RET: variants seen among roughly 807,000 people sequenced by gnomAD.
The protein encoded by RET is proto-oncogene tyrosine-protein kinase receptor Ret.
Under a neutral mutation model 118.3 loss-of-function variants are expected in RET, and 19 were observed. That is an observed-to-expected ratio of 0.16 (90% CI 0.11 to 0.24). RET has a LOEUF of 0.24. Among genes scored for constraint, RET ranks in the 10% least tolerant of loss-of-function variants. The probability of loss-of-function intolerance (pLI) is 1.00; values close to 1 mark genes in which losing one functional copy is unlikely to be tolerated. For missense variants in RET, 1,219 were observed against 1,502.1 expected (o/e 0.81, Z 3.12); for synonymous variants, 597 against 644.1 (o/e 0.93, Z 1.11).
chr10:43,110,157 C>CCG (rs1837884274), intron 6 of RET, among the ~76,000 whole-genome samples: 1 of 150,914 alleles, frequency 6.6e-6, no homozygotes, highest in South Asian at 2.2e-4. Context: ...CAGAGGGCCC[C>CCG]GGGGGGTCTC....
chr10:43,117,253 C>A (rs1838093900), intron 12 of RET, among the ~76,000 whole-genome samples: 1 of 152,264 alleles, frequency 6.6e-6, no homozygotes, highest in South Asian at 2.1e-4. Context: ...AACAGCCAGG[C>A]TGAATGGCGG....
intron 11 of RET, among the ~76,000 whole-genome samples, 157 bp from the exon 12 acceptor site, chr10:43,116,427 A>G (rs1332388643): frequency 1.3e-5 from 2 of 152,222 alleles, no homozygotes; most frequent in Non-Finnish European, 2.9e-5. Context: ...TGCCCAGGGC[A>G]GAGACAGGCA....
Position 43,114,453 on chromosome 10 carries a change from CA to C in RET, c.1880-25del. 2 of 1,604,156 alleles carry C rather than the reference CA, an allele frequency of 1.2e-6. No individual in the cohort carries two copies. The highest frequency in any genetic ancestry group is 2.2e-5 in the South Asian group (2 of 91,060). On this transcript the variant is annotated intron_variant, in intron 10 of 19. Transcript: ENST00000355710. This position sits in a 1 kb window ranked among gnomAD's most constrained non-coding sequence, Gnocchi z 4.6. ...AGTGGTGCCGAGCCTCTGGCGGTGC[CA>C]AGCCTCACACCACCCCCACCCACAG...
chr10:43,113,728 C>A, intron 10 of RET, 53 bp downstream of exon 10: 1 of 1,608,046 alleles, frequency 6.2e-7, no homozygotes, highest in African/African-American at 1.3e-5. Flanking sequence ...ACAGAGGTCT[C>A]AACAGCACAT....
At chr10:43,104,864 T>C (rs1837723204) in intron 3 of RET, 88 bp from the exon 4 acceptor site, 4 of 1,507,868 alleles carry the variant, frequency 2.7e-6, no homozygotes, top group Admixed American at 2.1e-5. Flanking sequence ...TGCGCCCCGC[T>C]CTGACCGCAG....
At chr10:43,097,442 C>G (rs1482087202) in intron 1 of RET, among the ~76,000 whole-genome samples, 1 of 152,268 alleles carries the variant, frequency 6.6e-6, no homozygotes, top group East Asian at 1.9e-4. Context: ...CCTCTCCCCA[C>G]CTGAGCTCAG....
In RET at chr10:43,111,423, A is replaced by T. The variant is rs1837924019; in HGVS notation, c.1480A>T (p.Arg494Trp). ...MVVATDQQTS[R>W]QAQAQLLVTV... ...GGTGGCCACCGACCAGCAGACCTCT[A>T]GGCAGGCCCAGGCCCAGCTGCTTGT... is the stretch of plus-strand genomic sequence containing the variant. The change falls in exon 7 of 20, where the codon AGG becomes TGG. Residue 494 changes from arginine (R) to tryptophan (W), a missense_variant. Coordinates refer to ENST00000355710, the MANE Select transcript of RET (RefSeq NM_020975.6). 1 of 1,611,028 alleles carries T rather than the reference A, an allele frequency of 6.2e-7. No homozygotes were observed. The highest frequency in any genetic ancestry group is 1.1e-5 in the South Asian group (1 of 91,008).
At chr10:43,112,561 C>T (rs1837964138) in intron 8 of RET, among the ~76,000 whole-genome samples, 1 of 152,168 alleles carries the variant, frequency 6.6e-6, no homozygotes, top group African/African-American at 2.4e-5. Flanking sequence ...TCTGCATCAG[C>T]CAGAGGCCAG....
chr10:43,128,580 T>C lies in RET; in HGVS notation c.*311T>C, dbSNP rs1313307374. ...TCCATCAGTGACCACCAACATTCTG[T>C]GTTCACATGTGTGGGTCCAACACTT... On this transcript the variant is annotated 3_prime_UTR_variant, in exon 20 of 20. Transcript: ENST00000355710. 8.2e-6 allele frequency: 4 copies of C among 486,738 alleles called. No individual in the cohort carries two copies. The highest frequency in any genetic ancestry group is 1.5e-5 in the Non-Finnish European group (4 of 264,192). The allele number at this position is 486,738 out of a possible 1,614,324, so 30.2% of individuals were successfully genotyped here.
rs913877793 is a variant in RET, at chr10:43,104,144, G to C, written c.626-808G>C. On this transcript the variant is annotated intron_variant, in intron 3 of 19. Transcript: ENST00000355710. ...GCACTGGACAAGGAGGTGTAGAGTGGGGATGCACACTAGGCGGTCGGAAAT... is the reference window on the plus strand; with the variant it reads ...GCACTGGACAAGGAGGTGTAGAGTGCGGATGCACACTAGGCGGTCGGAAAT... Among the ~76,000 whole-genome samples, 11 of 152,126 alleles carry C rather than the reference G, an allele frequency of 7.2e-5. 1 individual carries two copies. The highest frequency in any genetic ancestry group is 7.2e-4 in the Admixed American group (11 of 15,278).
At chr10:43,119,944 A>G in intron 14 of RET, 137 bp from the exon 15 acceptor site, 3 of 1,392,460 alleles carry the variant, frequency 2.2e-6, no homozygotes, top group Non-Finnish European at 2.0e-6. Flanking sequence ...CGCCCCTGCC[A>G]TGCCACACCC....
intron 18 of RET, among the ~76,000 whole-genome samples, chr10:43,125,920 C>G (rs1215358161): frequency 6.6e-6 from 1 of 152,220 alleles, no homozygotes; most frequent in East Asian, 1.9e-4. Context: ...CTTCCTAGAA[C>G]AGTGCTGAGA....
chr10:43,102,246 G>T, intron 2 of RET, 96 bp from the exon 3 acceptor site: 1 of 1,501,964 alleles, frequency 6.7e-7, no homozygotes, highest in South Asian at 1.1e-5. Context: ...GTGGGGACCA[G>T]GGTTTACACC....
At chr10:43,119,383 G>T in intron 13 of RET, 148 bp from the exon 14 acceptor site, 1 of 647,902 alleles carries the variant, frequency 1.5e-6, no homozygotes, top group South Asian at 1.8e-5. Flanking sequence ...CCACAGAGCT[G>T]CAGCAGTGCT....
At chr10:43,117,577 G>A (rs772969820) in intron 12 of RET, among the ~76,000 whole-genome samples, 1 of 152,220 alleles carries the variant, frequency 6.6e-6, no homozygotes, top group Non-Finnish European at 1.5e-5. Context: ...TGGGAGGGAT[G>A]GCTTAGCCAT....
At chr10:43,080,985 G>T (rs1166507475) in intron 1 of RET, among the ~76,000 whole-genome samples, 2 of 152,206 alleles carry the variant, frequency 1.3e-5, no homozygotes, top group Admixed American at 6.5e-5. Flanking sequence ...GGGCATCAGG[G>T]ATGGGGGTAC....
chr10:43,108,112 G>A (rs530991582), intron 5 of RET, among the ~76,000 whole-genome samples: 30 of 152,012 alleles, frequency 2.0e-4, no homozygotes, highest in Non-Finnish European at 3.4e-4. Context: ...TAGGGAGACC[G>A]AGGCGGGTGG....
At chr10:43,082,839 G>A (rs1015698236) in intron 1 of RET, among the ~76,000 whole-genome samples, 3 of 152,214 alleles carry the variant, frequency 2.0e-5, no homozygotes, top group African/African-American at 4.8e-5. Context: ...TCTGGGTGCC[G>A]GGACGAGGGT....
At chr10:43,127,062 A>G (rs1397171879) in intron 19 of RET, 6 of 1,229,762 alleles carry the variant, frequency 4.9e-6, no homozygotes, top group African/African-American at 1.5e-5. Context: ...TAGTACTTCT[A>G]CTTTAACTAA....
Sources: gnomAD v4.1 joint callset for allele counts (sites outside exome capture counted in the v4.1 genomes callset) on GRCh38, gnomAD v4.1.1 for gene constraint, Gnocchi (gnomAD v3.1) non-coding constraint, MANE v1.5 for transcripts, NCBI Gene and HGNC (gene_info 2026-07-23, HGNC 2026-07-21) for gene names.